Variants in PLA2G2D observed in about 807,000 individuals in gnomAD.
PLA2G2D encodes phospholipase A2 group IID.
In PLA2G2D, 17 loss-of-function variants were observed where a neutral mutation model predicts 13.9. The ratio of observed to expected loss-of-function variants is 1.23; its 90% CI spans 0.84 to 1.84. The LOEUF is 1.84. Among genes scored for constraint, PLA2G2D ranks in the 40% most tolerant of loss-of-function variants. PLA2G2D has a pLI of 0.00. For synonymous variants in PLA2G2D, 83 were observed against 69.3 expected (o/e 1.20, Z -0.98); for missense variants, 194 against 178.7 (o/e 1.09, Z -0.49).
At chr1:20,114,825 A>C (rs2016950882) in intron 3 of PLA2G2D, among the ~76,000 whole-genome samples, 1 of 152,226 alleles carries the variant, frequency 6.6e-6, no homozygotes. Flanking sequence ...CAAGGCACTT[A>C]GCCTATAGTA....
At position 20,112,001 on chromosome 1, in the gene PLA2G2D, C is replaced by T. The variant is rs1361894260; in HGVS notation, c.*2113G>A. The T allele has an allele frequency of 7.1e-6, 1 of 141,058 alleles. No individual in the cohort carries two copies. Among genetic ancestry groups the T allele is most frequent in the Non-Finnish European group, 1.5e-5 (1 of 66,472 alleles). The allele number at this position is 141,058 out of a possible 1,614,324, so 8.7% of individuals were successfully genotyped here. On this transcript the variant is annotated 3_prime_UTR_variant, in exon 4 of 4. Coordinates refer to ENST00000375105, the MANE Select transcript of PLA2G2D (RefSeq NM_012400.4). ...TTATTTTTTGAGACAGAGTGTCACT[C>T]TGTTGCCCAGGCTGGAGTGCAGTGT...
rs1227022922 is a variant in PLA2G2D at position 20,113,203 on chromosome 1, A to G, written c.*911T>C. The G allele has an allele frequency of 6.6e-6, 1 of 152,418 alleles. No individual in the cohort carries two copies. The highest frequency in any genetic ancestry group is 1.9e-4 in the East Asian group (1 of 5,190). 9.4% of individuals were successfully genotyped at this position (152,418 alleles called of 1,614,324 possible). A position where few individuals can be genotyped will look rare whatever the true frequency, so the allele number is the denominator to read the frequency against. On this transcript the variant is annotated 3_prime_UTR_variant, in exon 4 of 4. Coordinates refer to ENST00000375105, the MANE Select transcript of PLA2G2D (RefSeq NM_012400.4). Reference sequence around the variant, plus strand: ...GGCTCCAGTCTAGTTGGGGGAGATCAGAGAAGTTCCATTTGCCACTCTAGG... The same window carrying G: ...GGCTCCAGTCTAGTTGGGGGAGATCGGAGAAGTTCCATTTGCCACTCTAGG...
rs1211274538 is a variant in PLA2G2D at position 20,119,349 on chromosome 1, G to A, written c.40+110C>T. On this transcript the variant is annotated intron_variant, in intron 1 of 3. Coordinates refer to ENST00000375105, the MANE Select transcript of PLA2G2D (RefSeq NM_012400.4). ...GGGGCAGAAGGATTGGGGAGTGGGG[G>A]CCAGGCTCCTGGGGATCAGAGCAGC... The A allele has an allele frequency of 1.0e-4, 99 of 966,946 alleles. 1 individual carries two copies. The highest frequency in any genetic ancestry group is 5.1e-5 in the Admixed American group (3 of 58,962). 59.9% of individuals were successfully genotyped at this position (966,946 alleles called of 1,614,324 possible). A position where few individuals can be genotyped will look rare whatever the true frequency, so the allele number is the denominator to read the frequency against.
In PLA2G2D at chr1:20,114,247, C is replaced by G; in HGVS notation, c.305G>C (p.Ser102Thr). The part of the protein sequence containing the change: ...QGNIHCSDKG[S>T]WCEQQLCACD... Reference sequence around the variant, plus strand: ...GGCACACAGCTGCTGCTCACACCAGCTTCCCTTGTCAGCTGTGGACGGAGA... The same window carrying G: ...GGCACACAGCTGCTGCTCACACCAGGTTCCCTTGTCAGCTGTGGACGGAGA... The change falls in exon 4 of 4, where the codon AGC (serine) becomes ACC (threonine). Residue 102 changes from serine (S) to threonine (T), a missense_variant. Ser to Thr is a moderately conservative substitution (Grantham distance 58, BLOSUM62 1). Coordinates refer to ENST00000375105, the MANE Select transcript of PLA2G2D (RefSeq NM_012400.4). The G allele has an allele frequency of 6.2e-7, 1 of 1,613,624 alleles. No individual in the cohort carries two copies. The highest frequency in any genetic ancestry group is 8.5e-7 in the Non-Finnish European group (1 of 1,179,648).
intron 1 of PLA2G2D, among the ~76,000 whole-genome samples, chr1:20,117,355 T>G: frequency 6.6e-6 from 1 of 152,236 alleles, no homozygotes; most frequent in Admixed American, 6.5e-5. Flanking sequence ...CACTCCATAA[T>G]AGGAAGAATG....
At position 20,114,062 on chromosome 1, in the gene PLA2G2D, G is replaced by A. The variant is rs2016934620; in HGVS notation, c.*52C>T. ...CAGGCTGGTTCAGGTTAGATACTGA[G>A]GTGGGGATGCCAGAGCTCCATGCTG... is the stretch of plus-strand genomic sequence containing the variant. On this transcript the variant is annotated 3_prime_UTR_variant, in exon 4 of 4. Transcript: ENST00000375105. 4.5e-6 allele frequency: 7 copies of A among 1,564,542 alleles called. No homozygotes were observed. Among genetic ancestry groups the A allele is most frequent in the South Asian group, 2.3e-5 (2 of 86,948 alleles).
intron 3 of PLA2G2D, 130 bp downstream of exon 3, chr1:20,115,377 G>A (rs2016962760): frequency 4.4e-6 from 3 of 680,048 alleles, no homozygotes; most frequent in African/African-American, 1.8e-5. Context: ...CCTCTTCACA[G>A]CCCAACTGCA....
chr1:20,114,692 G>T (rs1384587634), intron 3 of PLA2G2D, among the ~76,000 whole-genome samples: 2 of 152,094 alleles, frequency 1.3e-5, no homozygotes, highest in Admixed American at 6.5e-5. Flanking sequence ...GTTTGGGAGT[G>T]GGGGATGGCA....
rs2016964332 is a variant in PLA2G2D at position 20,115,421 on chromosome 1, G to A, written c.292+86C>T. 3 of 823,430 alleles carry A rather than the reference G, an allele frequency of 3.6e-6. No homozygotes were observed. The East Asian group carries it at 7.3e-5, about 20-fold the overall frequency. The allele number at this position is 823,430 out of a possible 1,614,324, so 51.0% of individuals were successfully genotyped here. On this transcript the variant is annotated intron_variant, in intron 3 of 3. Transcript: ENST00000375105. ...ACCCATGCAAAAAAAAAACAGAGAG[G>A]TCAAGTAGCTGTGCTGTGAAGGCAG...
At chr1:20,119,261 C>T (rs1259920702) in intron 1 of PLA2G2D, among the ~76,000 whole-genome samples, 198 bp downstream of exon 1, 2 of 152,174 alleles carry the variant, frequency 1.3e-5, no homozygotes, top group African/African-American at 2.4e-5. Context: ...CTTGGCCAGC[C>T]AGAGCTCTCT....
rs755245807 is a variant in PLA2G2D, at chr1:20,113,182, C to G, written c.*932G>C. On this transcript the variant is annotated 3_prime_UTR_variant, in exon 4 of 4. Coordinates refer to ENST00000375105, the MANE Select transcript of PLA2G2D (RefSeq NM_012400.4). ...ACATGGTCTCCATCCTTCGGGGGCTCCAGTCTAGTTGGGGGAGATCAGAGA... is the reference window on the plus strand; with the variant it reads ...ACATGGTCTCCATCCTTCGGGGGCTGCAGTCTAGTTGGGGGAGATCAGAGA... 6 of 152,454 alleles carry G rather than the reference C, an allele frequency of 3.9e-5. No individual in the cohort carries two copies. Among genetic ancestry groups the G allele is most frequent in the Non-Finnish European group, 8.8e-5 (6 of 68,172 alleles). The allele number at this position is 152,454 out of a possible 1,614,324, so 9.4% of individuals were successfully genotyped here.
In PLA2G2D at chr1:20,113,851, CT is replaced by C; in HGVS notation, c.*262del. ...GGCAGACCCCTCCCCCACCCCGATG[CT>C]TTGGTCCAAACACCACCTCTGAGGG... On this transcript the variant is annotated 3_prime_UTR_variant, in exon 4 of 4. Coordinates refer to ENST00000375105, the MANE Select transcript of PLA2G2D (RefSeq NM_012400.4). 1 of 393,800 alleles carries C rather than the reference CT, an allele frequency of 2.5e-6. No individual in the cohort carries two copies. Among genetic ancestry groups the C allele is most frequent in the Non-Finnish European group, 4.6e-6 (1 of 219,444 alleles). 24.4% of individuals were successfully genotyped at this position (393,800 alleles called of 1,614,324 possible).
chr1:20,114,387 A>AT, intron 3 of PLA2G2D, 128 bp from the exon 4 acceptor site: 1 of 921,132 alleles, frequency 1.1e-6, no homozygotes, highest in Non-Finnish European at 1.6e-6. Flanking sequence ...AGCAACCTCG[A>AT]TTCTAGCTGC....
intron 1 of PLA2G2D, among the ~76,000 whole-genome samples, chr1:20,118,926 T>C (rs1483825320): frequency 1.3e-5 from 2 of 152,168 alleles, no homozygotes; most frequent in Non-Finnish European, 2.9e-5. Flanking sequence ...TTTTCCAAAA[T>C]CACAATTTTG....
chr1:20,115,155 TTTA>T, intron 3 of PLA2G2D, among the ~76,000 whole-genome samples: 1 of 152,180 alleles, frequency 6.6e-6, no homozygotes, highest in Non-Finnish European at 1.5e-5. Flanking sequence ...CTCTGTGTAA[TTTA>T]TTATGGCAGG....
At position 20,115,576 on chromosome 1, in the gene PLA2G2D, T is replaced by G. The variant is rs779340308; in HGVS notation, c.223A>C (p.Lys75Gln). 1.2e-5 allele frequency: 19 copies of G among 1,613,002 alleles called. No homozygotes were observed. The highest frequency in any genetic ancestry group is 1.6e-5 in the Non-Finnish European group (19 of 1,179,000). ...TTGTAGATGCTGCACCCCTGGGTCT[T>G]CAGGTGGTCATAGCAGCAGTCATGG... Reference protein sequence around the residue: ...QTHDCCYDHLKTQGCSIYKDY... With the variant: ...QTHDCCYDHLQTQGCSIYKDY... Residue 75 changes from lysine to glutamine, a missense_variant, in exon 3 of 4, where the codon AAG (lysine) becomes CAG (glutamine). Coordinates refer to ENST00000375105, the MANE Select transcript of PLA2G2D (RefSeq NM_012400.4).
intron 3 of PLA2G2D, among the ~76,000 whole-genome samples, chr1:20,114,764 A>C (rs1024485612): frequency 6.6e-6 from 1 of 152,130 alleles, no homozygotes; most frequent in African/African-American, 2.4e-5. Context: ...TGAAGCGGGG[A>C]TAATGGCAAG....
intron 2 of PLA2G2D, 146 bp downstream of exon 2, chr1:20,116,187 C>T (rs368246881): frequency 2.9e-5 from 25 of 862,894 alleles, no homozygotes; most frequent in Middle Eastern, 2.9e-4. Flanking sequence ...GGGCTGGGAC[C>T]GTATTGGCAC....
intron 2 of PLA2G2D, among the ~76,000 whole-genome samples, chr1:20,116,042 G>C (rs1569870762): frequency 7.0e-6 from 1 of 143,244 alleles, no homozygotes; most frequent in South Asian, 2.1e-4. Context: ...GAGGTGGTGA[G>C]GGGGCTTTAA....
Sources: allele counts gnomAD v4.1 joint callset (sites outside exome capture counted in the v4.1 genomes callset), GRCh38; gene constraint gnomAD v4.1.1; transcripts MANE v1.5; gene names NCBI Gene and HGNC (gene_info 2026-07-23, HGNC 2026-07-21).